MGME1: variants seen among roughly 807,000 people sequenced by gnomAD.
The protein encoded by MGME1 is mitochondrial genome maintenance exonuclease 1.
Under a neutral mutation model 33.0 loss-of-function variants are expected in MGME1, and 22 were observed. The ratio of observed to expected loss-of-function variants is 0.67; its 90% confidence interval spans 0.48 to 0.95. The LOEUF (loss-of-function observed/expected upper bound fraction) is 0.95, where lower values mean the gene tolerates loss of function less well. Ranked by LOEUF, MGME1 falls within the 40% of genes least tolerant of loss-of-function variation. The pLI is 0.00. For missense variants in MGME1, 383 were observed against 397.8 expected (o/e 0.96, Z 0.32); for synonymous variants, 133 against 144.0 (o/e 0.92, Z 0.55).
At chr20:17,989,385 C>T (rs1054619371) in intron 4 of MGME1, among the ~76,000 whole-genome samples, 5 of 111,866 alleles carry the variant, frequency 4.5e-5, no homozygotes, top group African/African-American at 2.4e-4. Context: ...GACTGTCTCT[C>T]TCCAAATAAA....
chr20:17,974,510 G>A (rs6105852), intron 2 of MGME1, among the ~76,000 whole-genome samples: 86,527 of 151,914 alleles, frequency 0.57, 24,961 homozygotes, highest in African/African-American at 0.65. Flanking sequence ...CAGTTCTTTC[G>A]GAGAAACCTG....
At chr20:17,974,440 T>C (rs1486516931) in intron 2 of MGME1, among the ~76,000 whole-genome samples, 4 of 151,950 alleles carry the variant, frequency 2.6e-5, no homozygotes, top group Admixed American at 2.6e-4. Context: ...GCACTGAAAA[T>C]GAGGAGAGAG....
intron 4 of MGME1, among the ~76,000 whole-genome samples, chr20:17,988,728 G>C (rs1199503748): frequency 6.8e-6 from 1 of 146,932 alleles, no homozygotes; most frequent in Non-Finnish European, 1.5e-5. Flanking sequence ...TTAAAAAATA[G>C]AACTCCTTGA....
chr20:17,986,834 T>A (rs894252255), intron 3 of MGME1, among the ~76,000 whole-genome samples: 12 of 152,138 alleles, frequency 7.9e-5, no homozygotes, highest in Admixed American at 6.6e-4. Context: ...ATTAAGGTTT[T>A]TTTTTTTACA....
intron 3 of MGME1, among the ~76,000 whole-genome samples, chr20:17,981,891 G>A (rs2036031959): frequency 2.0e-5 from 3 of 147,588 alleles, no homozygotes; most frequent in Admixed American, 2.0e-4. Flanking sequence ...GACCTAAGGT[G>A]ATCCACCCAT....
chr20:17,983,173 G>A (rs768243218), intron 3 of MGME1, among the ~76,000 whole-genome samples: 80 of 151,644 alleles, frequency 5.3e-4, no homozygotes, highest in Non-Finnish European at 9.7e-4. Context: ...GTCTTTTTGT[G>A]CCCAGCTTAT....
At position 17,990,421 on chromosome 20, in the gene MGME1, G is replaced by A. The variant is rs1046148682; in HGVS notation, c.*312G>A. The A allele has an allele frequency of 3.2e-6, 1 of 316,164 alleles. No individual in the cohort carries two copies. The highest frequency in any genetic ancestry group is 5.9e-6 in the Non-Finnish European group (1 of 168,488). The allele number at this position is 316,164 out of a possible 1,614,324, so 19.6% of individuals were successfully genotyped here. On this transcript the variant is annotated 3_prime_UTR_variant, in exon 5 of 5. Transcript: ENST00000377710. ...CCCTTGAGGGACATTGGGGGGGGGG[G>A]GGCGTGGTCCCAGGCAGGATGCCCA...
At chr20:17,970,931 G>A (rs747332202) in intron 2 of MGME1, among the ~76,000 whole-genome samples, 2 of 152,212 alleles carry the variant, frequency 1.3e-5, no homozygotes, top group Admixed American at 6.5e-5. Context: ...TTGGACAAGT[G>A]AGGAGAATAG....
At position 17,990,411 on chromosome 20, in the gene MGME1, G is replaced by GGT. The variant is rs71194213; in HGVS notation, c.*303_*304insTG. ...CTCTTGTACTCCCTTGAGGGACATT[G>GGT]GGGGGGGGGGGGCGTGGTCCCAGGC... On this transcript the variant is annotated 3_prime_UTR_variant, in exon 5 of 5. Transcript: ENST00000377710. The GGT allele has an allele frequency of 0.017, 2,431 of 140,250 alleles. 63 individuals carry two copies. The highest frequency in any genetic ancestry group is 0.04 in the South Asian group (470 of 11,646). 8.7% of individuals were successfully genotyped at this position (140,250 alleles called of 1,614,324 possible).
intron 2 of MGME1, among the ~76,000 whole-genome samples, chr20:17,971,585 TG>T (rs1332657584): frequency 6.6e-6 from 1 of 152,188 alleles, no homozygotes; most frequent in East Asian, 1.9e-4. Flanking sequence ...CTGGAACACA[TG>T]GGACCCCAGG....
chr20:17,970,461 T>C, intron 2 of MGME1, 91 bp downstream of exon 2: 1 of 1,351,192 alleles, frequency 7.4e-7, no homozygotes, highest in Non-Finnish European at 1.0e-6. Flanking sequence ...GTTTTGTTTT[T>C]TTAACTTACT....
chr20:17,985,905 T>G lies in MGME1; in HGVS notation c.732-2261T>G, dbSNP rs181154756. Among the ~76,000 whole-genome samples the G allele has an allele frequency of 2.1e-3, 323 of 152,326 alleles. 2 individuals are homozygous for G. Among genetic ancestry groups the G allele is most frequent in the African/African-American group, 7.0e-3 (290 of 41,576 alleles). On this transcript the variant is annotated intron_variant, in intron 3 of 4. Coordinates refer to ENST00000377710, the MANE Select transcript of MGME1 (RefSeq NM_052865.4). ...CTAACCATGCATTTCTCAGGACATATCCCTGTCATTAAGCTACACATGACT... is the reference window on the plus strand; with the variant it reads ...CTAACCATGCATTTCTCAGGACATAGCCCTGTCATTAAGCTACACATGACT...
chr20:17,972,900 C>T, intron 2 of MGME1: 1 of 517,082 alleles, frequency 1.9e-6, no homozygotes, highest in Non-Finnish European at 2.5e-6. Context: ...TTAATTCCAT[C>T]AGTCATAAAT....
rs1344801288 is a variant in MGME1 at position 17,988,194 on chromosome 20, A to G, written c.760A>G (p.Thr254Ala). 1.2e-6 allele frequency: 2 copies of G among 1,613,986 alleles called. No individual in the cohort carries two copies. Among genetic ancestry groups the G allele is most frequent in the East Asian group, 2.2e-5 (1 of 44,900 alleles). The change falls in exon 4 of 5, where the codon ACA (threonine) becomes GCA (alanine). Residue 254 changes from threonine to alanine, a missense_variant. By Grantham distance (58) the Thr-to-Ala change is moderately conservative (BLOSUM62 0). Coordinates refer to ENST00000377710, the MANE Select transcript of MGME1 (RefSeq NM_052865.4). Reference protein sequence around the residue: ...QGKLCVIDWKTSEKPKPFIQS... With the variant: ...QGKLCVIDWKASEKPKPFIQS... ...CAAGCTCTGTGTGATTGATTGGAAG[A>G]CATCAGAGAAACCAAAGCCTTTTAT...
At chr20:17,978,492 A>C (rs2035924256) in intron 3 of MGME1, among the ~76,000 whole-genome samples, 1 of 152,080 alleles carries the variant, frequency 6.6e-6, no homozygotes, top group Admixed American at 6.6e-5. Flanking sequence ...GACGTGAGCC[A>C]CCGCGCCTGG....
chr20:17,974,496 A>G (rs1478828832), intron 2 of MGME1, among the ~76,000 whole-genome samples: 2 of 152,284 alleles, frequency 1.3e-5, no homozygotes, highest in Non-Finnish European at 1.5e-5. Context: ...AAATCCAGAC[A>G]CTACAGTTCT....
chr20:17,989,915 G>A lies in MGME1; in HGVS notation c.865-24G>A, dbSNP rs748118232. 48 of 1,608,940 alleles carry A rather than the reference G, an allele frequency of 3.0e-5. 1 individual carries two copies. In the South Asian group the frequency reaches 5.3e-4, roughly 18 times the overall value. On this transcript the variant is annotated intron_variant, in intron 4 of 4. Transcript: ENST00000377710. ...CTCTGGACCTACTGTAGTGAAACGA[G>A]AATTGCCCTGTGTTTCTTCCTAGGT...
Position 17,977,204 on chromosome 20 carries a change from C to T in MGME1, c.731+1301C>T, listed in dbSNP as rs549562935. Among the ~76,000 whole-genome samples the T allele has an allele frequency of 4.6e-5, 7 of 151,758 alleles. No homozygotes were observed. In the South Asian group the frequency reaches 1.0e-3, roughly 23 times the overall value. On this transcript the variant is annotated intron_variant, in intron 3 of 4. Transcript: ENST00000377710. ...CAGCCTAGCCAACATGGCAAAACTC[C>T]GTCTCTACTAAAAATACAAAAATTA...
At chr20:17,971,161 G>T in intron 2 of MGME1, among the ~76,000 whole-genome samples, 1 of 152,178 alleles carries the variant, frequency 6.6e-6, no homozygotes, top group Non-Finnish European at 1.5e-5. Flanking sequence ...CATAGCCTGG[G>T]CTTCTATTTA....
Sources: allele counts gnomAD v4.1 joint callset (sites outside exome capture counted in the v4.1 genomes callset), GRCh38; gene constraint gnomAD v4.1.1; transcripts MANE v1.5; gene names NCBI Gene and HGNC (gene_info 2026-07-23, HGNC 2026-07-21).